Variants in TRMT9B observed in about 807,000 individuals in gnomAD.
TRMT9B encodes probable tRNA methyltransferase 9B.
In TRMT9B, 16 loss-of-function variants were observed where a neutral mutation model predicts 11.5. The observed-to-expected ratio is 1.39, with a 90% CI of 0.94 to 2.11. The LOEUF is 2.11. Among genes scored for constraint, TRMT9B ranks in the 30% most tolerant of loss-of-function variants. The pLI is 0.00. For missense variants in TRMT9B, 941 were observed against 553.8 expected, an observed-to-expected ratio of 1.70 and a Z score of -7.02; for synonymous variants, 274 against 192.4, an observed-to-expected ratio of 1.42 and a Z score of -3.51.
intron 1 of TRMT9B, among the ~76,000 whole-genome samples, chr8:12,964,536 T>C (rs1032830633): frequency 2.0e-5 from 3 of 152,234 alleles, no homozygotes; most frequent in African/African-American, 7.2e-5. Flanking sequence ...ATAGTATTTG[T>C]AGTTTTTAAC....
Position 13,024,483 on chromosome 8 carries a change from C to T in TRMT9B, c.*2439C>T, listed in dbSNP as rs913586856. 6.0e-6 allele frequency: 1 copy of T among 167,116 alleles called. No homozygotes were observed. The highest frequency in any genetic ancestry group is 6.5e-5 in the Admixed American group (1 of 15,282). 10.4% of individuals were successfully genotyped at this position (167,116 alleles called of 1,614,324 possible). ...TGAATTATGAATGGATTGTTCCTCTCTCTGAAGCCTATTGTCACATGGGTT... is the reference window on the plus strand; with the variant it reads ...TGAATTATGAATGGATTGTTCCTCTTTCTGAAGCCTATTGTCACATGGGTT... On this transcript the variant is annotated 3_prime_UTR_variant, in exon 5 of 5. Coordinates refer to ENST00000524591, the MANE Select transcript of TRMT9B (RefSeq NM_020844.3).
intron 2 of TRMT9B, among the ~76,000 whole-genome samples, chr8:13,005,423 A>G (rs561774162): frequency 6.6e-6 from 1 of 152,210 alleles, no homozygotes; most frequent in Non-Finnish European, 1.5e-5. Context: ...TTAAATGACT[A>G]AAAGAGTATA....
intron 1 of TRMT9B, chr8:12,951,659 G>C (rs1284009101): frequency 6.6e-6 from 1 of 152,016 alleles, no homozygotes; most frequent in Non-Finnish European, 1.5e-5. Context: ...TGGGTTCCCG[G>C]ACAGCTGAGC....
In TRMT9B at chr8:13,025,688, C is replaced by G. The variant is rs536725602; in HGVS notation, c.*3644C>G. ...ACCTATTTAAATTTTTTCCAATTGC[C>G]AGTATAGTGATGATATGACACCAGC... On this transcript the variant is annotated 3_prime_UTR_variant, in exon 5 of 5. Coordinates refer to ENST00000524591, the MANE Select transcript of TRMT9B (RefSeq NM_020844.3). 3.0e-5 allele frequency: 5 copies of G among 167,152 alleles called. No homozygotes were observed. The East Asian group carries it at 9.6e-4, about 32-fold the overall frequency. The allele number at this position is 167,152 out of a possible 1,614,324, so 10.4% of individuals were successfully genotyped here. A position where few individuals can be genotyped will look rare whatever the true frequency, so the allele number is the denominator to read the frequency against.
chr8:12,994,230 C>G (rs1359385130), intron 2 of TRMT9B, among the ~76,000 whole-genome samples: 1 of 152,208 alleles, frequency 6.6e-6, no homozygotes, highest in Non-Finnish European at 1.5e-5. Context: ...TGTGCATGGT[C>G]TCAGGCTTGG....
intron 1 of TRMT9B, among the ~76,000 whole-genome samples, chr8:12,984,950 A>AACACAC (rs1489460640): frequency 0.018 from 2,025 of 112,212 alleles, 41 homozygotes; most frequent in African/African-American, 0.066. Context: ...CACCTCCCTC[A>AACACAC]ACATACACAC....
chr8:13,013,827 T>C (rs1000200713), intron 4 of TRMT9B, among the ~76,000 whole-genome samples: 1 of 152,084 alleles, frequency 6.6e-6, no homozygotes, highest in Non-Finnish European at 1.5e-5. Context: ...CAAGCGCCTG[T>C]AGTCCCAGCT....
chr8:13,013,084 G>GT (rs888594638), intron 4 of TRMT9B, among the ~76,000 whole-genome samples: 7 of 152,264 alleles, frequency 4.6e-5, no homozygotes, highest in African/African-American at 1.4e-4. Context: ...TGGTATTGCA[G>GT]TTTTTTTATG....
intron 1 of TRMT9B, among the ~76,000 whole-genome samples, chr8:12,967,653 C>T (rs1803009392): frequency 6.6e-6 from 1 of 152,064 alleles, no homozygotes. Context: ...CCTGAGTTTT[C>T]AATTTTTCTT....
intron 1 of TRMT9B, among the ~76,000 whole-genome samples, chr8:12,980,079 C>T (rs534526713): frequency 2.0e-4 from 31 of 152,176 alleles, no homozygotes; most frequent in South Asian, 4.2e-4. Flanking sequence ...ATTTGTTTCC[C>T]GGGGCTGCTG....
Position 12,945,940 on chromosome 8 carries a change from C to T in TRMT9B, c.-226C>T, listed in dbSNP as rs1800243371. On this transcript the variant is annotated 5_prime_UTR_variant, in exon 1 of 5. Coordinates refer to ENST00000524591, the MANE Select transcript of TRMT9B (RefSeq NM_020844.3). ...AAAGTGATGAAACCTGTGAGCTCTC[C>T]TAGCAACTCTGCAGTCTTCCTTCAA... The T allele has an allele frequency of 6.6e-6, 1 of 152,152 alleles. No homozygotes were observed. The highest frequency in any genetic ancestry group is 1.5e-5 in the Non-Finnish European group (1 of 68,046). The allele number at this position is 152,152 out of a possible 1,614,324, so 9.4% of individuals were successfully genotyped here.
chr8:12,998,478 G>C (rs747429470), intron 2 of TRMT9B, among the ~76,000 whole-genome samples: 1 of 152,204 alleles, frequency 6.6e-6, no homozygotes, highest in Non-Finnish European at 1.5e-5. Flanking sequence ...GGTACAGAAA[G>C]AAACTCAAGA....
chr8:12,995,291 T>G (rs964939809), intron 2 of TRMT9B, among the ~76,000 whole-genome samples: 2 of 152,238 alleles, frequency 1.3e-5, no homozygotes, highest in African/African-American at 4.8e-5. Flanking sequence ...TTTCCATTAG[T>G]GATAAATGTG....
chr8:13,009,477 G>A (rs552121738), intron 3 of TRMT9B, among the ~76,000 whole-genome samples: 2 of 152,272 alleles, frequency 1.3e-5, no homozygotes, highest in South Asian at 4.1e-4. Flanking sequence ...AATGCTTAGT[G>A]TAAAATCTTC....
rs147739840 is a variant in TRMT9B at position 12,952,433 on chromosome 8, G to A, written c.-200+6467G>A. On this transcript the variant is annotated intron_variant, in intron 1 of 4. Coordinates refer to ENST00000524591, the MANE Select transcript of TRMT9B (RefSeq NM_020844.3). ...TACCTTGCAAACAGCCTTGCAATAC[G>A]ATCAAAACAGGCGAGACAGCCATGC... 1.7e-3 allele frequency: 521 copies of A among 302,410 alleles called. 3 individuals carry two copies. The highest frequency in any genetic ancestry group is 0.011 in the African/African-American group (499 of 44,518). The allele number at this position is 302,410 out of a possible 1,614,324, so 18.7% of individuals were successfully genotyped here.
In TRMT9B at chr8:13,021,099, CG is replaced by C; in HGVS notation, c.421del (p.Val141PhefsTer103). ...LVPGGQLMIY[V>X]WAMEQKNRHF... is the part of the protein sequence containing the mutation. The stretch of plus-strand genomic sequence containing the variant: ...TTCCCGGAGGCCAACTGATGATTTA[CG>C]TTTGGGCAATGGAACAAAAGAACCG... On this transcript the variant is annotated frameshift_variant, in exon 5 of 5. Coordinates refer to ENST00000524591, the MANE Select transcript of TRMT9B (RefSeq NM_020844.3). LOFTEE classifies it low-confidence loss of function (END_TRUNC). The C allele has an allele frequency of 1.2e-6, 2 of 1,610,714 alleles. No homozygotes were observed. Among genetic ancestry groups the C allele is most frequent in the Non-Finnish European group, 1.7e-6 (2 of 1,177,982 alleles).
chr8:12,950,329 A>G (rs949096149), intron 1 of TRMT9B, among the ~76,000 whole-genome samples: 1 of 152,108 alleles, frequency 6.6e-6, no homozygotes, highest in African/African-American at 2.4e-5. Context: ...AGGTCCTACT[A>G]TTTGCCAGGC....
intron 1 of TRMT9B, among the ~76,000 whole-genome samples, chr8:12,953,245 A>C (rs1419368979): frequency 7.5e-6 from 1 of 133,442 alleles, no homozygotes; most frequent in Non-Finnish European, 1.6e-5. Context: ...TTGGTAATAC[A>C]GCTAACCATT....
chr8:13,013,238 A>G (rs1313019156), intron 4 of TRMT9B, among the ~76,000 whole-genome samples: 1 of 152,212 alleles, frequency 6.6e-6, no homozygotes, highest in African/African-American at 2.4e-5. Flanking sequence ...TTAGGCCAAA[A>G]TAGTGGCCTT....
Sources: gnomAD v4.1 joint callset for allele counts (sites outside exome capture counted in the v4.1 genomes callset) on GRCh38, gnomAD v4.1.1 for gene constraint, MANE v1.5 for transcripts, NCBI Gene and HGNC (gene_info 2026-07-23, HGNC 2026-07-21) for gene names.